SLC1A4: variants seen among roughly 807,000 people sequenced by gnomAD.
The protein encoded by SLC1A4 is neutral amino acid transporter A.
In SLC1A4, 19 loss-of-function variants were observed where a neutral mutation model predicts 37.7. That is an observed-to-expected ratio of 0.50 (90% CI 0.35 to 0.74). The LOEUF (loss-of-function observed/expected upper bound fraction) is 0.74, where lower values mean the gene tolerates loss of function less well. Among genes scored for constraint, SLC1A4 ranks in the 30% least tolerant of loss-of-function variants. SLC1A4 has a pLI of 0.01. For missense variants in SLC1A4, 570 were observed against 712.9 expected (o/e 0.80, Z 2.28); for synonymous variants, 299 against 309.8 (o/e 0.97, Z 0.37).
At chr2:64,996,215 A>T (rs1449183771) in intron 1 of SLC1A4, among the ~76,000 whole-genome samples, 2 of 152,174 alleles carry the variant, frequency 1.3e-5, no homozygotes, top group African/African-American at 4.8e-5. Context: ...CACATACTCA[A>T]ACCAAAACAC....
chr2:65,002,497 G>A (rs372365530), intron 2 of SLC1A4, among the ~76,000 whole-genome samples: 24 of 149,368 alleles, frequency 1.6e-4, no homozygotes, highest in African/African-American at 5.2e-4. Context: ...GTCCCCTACC[G>A]ATGGATGTTC....
At chr2:64,996,517 TC>T (rs1161451286) in intron 1 of SLC1A4, among the ~76,000 whole-genome samples, 2 of 152,212 alleles carry the variant, frequency 1.3e-5, no homozygotes, top group Non-Finnish European at 2.9e-5. Flanking sequence ...GACCATTTGG[TC>T]CTCCTGACTT....
At chr2:65,012,302 G>T (rs961902910) in intron 4 of SLC1A4, among the ~76,000 whole-genome samples, 1 of 150,908 alleles carries the variant, frequency 6.6e-6, no homozygotes, top group Non-Finnish European at 1.5e-5. Context: ...TGTTAGCCAC[G>T]ATGGTCTCCA....
At chr2:65,020,626 C>T (rs1674379600) in intron 7 of SLC1A4, among the ~76,000 whole-genome samples, 1 of 152,092 alleles carries the variant, frequency 6.6e-6, no homozygotes, top group South Asian at 2.1e-4. Flanking sequence ...AGAAAGGTGA[C>T]TGGAAGGAAA....
At chr2:64,990,872 T>G (rs1395964326) in intron 1 of SLC1A4, among the ~76,000 whole-genome samples, 2 of 152,220 alleles carry the variant, frequency 1.3e-5, no homozygotes, top group African/African-American at 4.8e-5. Context: ...AGAAGCATCT[T>G]CACTTAGTTT....
At position 64,989,518 on chromosome 2, in the gene SLC1A4, A is replaced by AC. The variant is rs1380409757; in HGVS notation, c.-121dup. On this transcript the variant is annotated 5_prime_UTR_variant, in exon 1 of 8. Coordinates refer to ENST00000234256, the MANE Select transcript of SLC1A4 (RefSeq NM_003038.5). ...ACCTGCTCCTGCGCCAGGCCCGGAG[A>AC]CCCCCGGGGCGGCTTCCCAGAACCT... 1.9e-5 allele frequency: 15 copies of AC among 798,202 alleles called. No individual in the cohort carries two copies. In the East Asian group the frequency reaches 4.9e-4, roughly 26 times the overall value. 49.4% of individuals were successfully genotyped at this position (798,202 alleles called of 1,614,324 possible).
chr2:65,006,485 C>G (rs1476743087), intron 3 of SLC1A4, among the ~76,000 whole-genome samples: 1 of 151,738 alleles, frequency 6.6e-6, no homozygotes, highest in African/African-American at 2.4e-5. Context: ...GAGCGAGACT[C>G]TGTCTCAAAA....
At position 65,021,224 on chromosome 2, in the gene SLC1A4, C is replaced by A. The variant is rs1674408285; in HGVS notation, c.*78C>A. 3.3e-6 allele frequency: 4 copies of A among 1,218,532 alleles called. No homozygotes were observed. Among genetic ancestry groups the A allele is most frequent in the Non-Finnish European group, 4.7e-6 (4 of 850,882 alleles). 75.5% of individuals were successfully genotyped at this position (1,218,532 alleles called of 1,614,324 possible). On this transcript the variant is annotated 3_prime_UTR_variant, in exon 8 of 8. Transcript: ENST00000234256. ...CCAGCCGCCAGTCATGGACACAGGG[C>A]ACTGCCCTTGCCAACTTTTACCCTC...
chr2:65,016,371 C>A, intron 4 of SLC1A4, 69 bp from the exon 5 acceptor site: 2 of 1,242,284 alleles, frequency 1.6e-6, no homozygotes, highest in Non-Finnish European at 2.4e-6. Context: ...CATTCTGCCT[C>A]AGGAAGGACC....
At chr2:65,016,701 C>A in intron 5 of SLC1A4, 28 bp downstream of exon 5, 1 of 1,473,128 alleles carries the variant, frequency 6.8e-7, no homozygotes, top group South Asian at 1.1e-5. Context: ...CTCTTCACTG[C>A]TCTGAGCCAT....
chr2:65,004,605 AC>A (rs1343569415), intron 3 of SLC1A4, among the ~76,000 whole-genome samples: 1 of 151,964 alleles, frequency 6.6e-6, no homozygotes, highest in East Asian at 1.9e-4. Context: ...ATTTTATAAA[AC>A]CTTTTCTGCC....
chr2:65,007,263 AGT>A (rs1329959293), intron 3 of SLC1A4, among the ~76,000 whole-genome samples: 6 of 126,282 alleles, frequency 4.8e-5, no homozygotes, highest in Non-Finnish European at 1.2e-4. Flanking sequence ...AGATAGGAAG[AGT>A]GTGTTTGTGT....
rs765148076 is a variant in SLC1A4, at chr2:65,018,602, C to CA, written c.1288dup (p.Thr430AsnfsTer15). On this transcript the variant is annotated frameshift_variant, in exon 7 of 8. Coordinates refer to ENST00000234256, the MANE Select transcript of SLC1A4 (RefSeq NM_003038.5). LOFTEE classifies it high-confidence loss of function. The surrounding 1 kb of genome is among the most constrained non-coding windows in gnomAD (Gnocchi z 4.3). ...CAGGCGTGCCAGCTGGAGGGGTCCT[C>CA]ACCATTGCCATTATCCTGGAGGCCA... The CA allele has an allele frequency of 6.2e-7, 1 of 1,614,226 alleles. No individual in the cohort carries two copies. The highest frequency in any genetic ancestry group is 1.1e-5 in the South Asian group (1 of 91,084).
At chr2:65,015,458 T>A (rs983966545) in intron 4 of SLC1A4, among the ~76,000 whole-genome samples, 1 of 152,242 alleles carries the variant, frequency 6.6e-6, no homozygotes, top group Non-Finnish European at 1.5e-5. Context: ...TGTATCTAAT[T>A]GCATAGGAGG....
At position 64,994,236 on chromosome 2, in the gene SLC1A4, C is replaced by T. The variant is rs866183605; in HGVS notation, c.527+4066C>T. ...TCCCCACAGATTCTCACTGACATTCCGGTTTCTTTTTCCCCTGCCTTACAT... is the reference window on the plus strand; with the variant it reads ...TCCCCACAGATTCTCACTGACATTCTGGTTTCTTTTTCCCCTGCCTTACAT... On this transcript the variant is annotated intron_variant, in intron 1 of 7. Transcript: ENST00000234256. Among the ~76,000 whole-genome samples, 11 of 152,338 alleles carry T rather than the reference C, an allele frequency of 7.2e-5. No homozygotes were observed. In the East Asian group the frequency reaches 1.5e-3, roughly 21 times the overall value.
Position 64,989,985 on chromosome 2 carries a change from C to A in SLC1A4, c.342C>A (p.Gly114=). The part of the protein sequence containing the change: ...SLDASCLGRL[G]GIAVAYFGLT... ...ATGCCAGCTGCCTCGGGCGTCTGGGCGGCATCGCTGTCGCCTACTTTGGCC... is the reference window on the plus strand; with the variant it reads ...ATGCCAGCTGCCTCGGGCGTCTGGGAGGCATCGCTGTCGCCTACTTTGGCC... Residue 114 remains glycine, a synonymous_variant, in exon 1 of 8, where the codon GGC becomes GGA. Transcript: ENST00000234256. The A allele has an allele frequency of 6.3e-7, 1 of 1,587,236 alleles. No homozygotes were observed. Among genetic ancestry groups the A allele is most frequent in the South Asian group, 1.1e-5 (1 of 87,540 alleles).
intron 3 of SLC1A4, among the ~76,000 whole-genome samples, chr2:65,009,927 G>A (rs1673848517): frequency 6.6e-6 from 1 of 151,336 alleles, no homozygotes; most frequent in Non-Finnish European, 1.5e-5. Context: ...TTTGTTATCT[G>A]AAGGAAATTT....
chr2:65,019,663 T>C (rs1224644172), intron 7 of SLC1A4, among the ~76,000 whole-genome samples: 1 of 151,868 alleles, frequency 6.6e-6, no homozygotes, highest in Admixed American at 6.6e-5. Flanking sequence ...GCAATGAGGG[T>C]AAAATCTGCA....
chr2:64,991,593 T>TTTTTGTTGG (rs1553370740), intron 1 of SLC1A4, among the ~76,000 whole-genome samples: 1 of 143,406 alleles, frequency 7.0e-6, no homozygotes, highest in Non-Finnish European at 1.5e-5. Context: ...ACACCCAGCT[T>TTTTTGTTGG]TTTGTTTGTT....
Sources: allele counts gnomAD v4.1 joint callset (sites outside exome capture counted in the v4.1 genomes callset), GRCh38; gene constraint gnomAD v4.1.1; non-coding constraint Gnocchi (gnomAD v3.1); transcripts MANE v1.5; gene names NCBI Gene and HGNC (gene_info 2026-07-23, HGNC 2026-07-21).